The following OR6C2 variants were observed in gnomAD, a reference collection of about 807,000 sequenced individuals.
The protein encoded by OR6C2 is olfactory receptor family 6 subfamily C member 2.
For missense variants in OR6C2, 435 were observed against 365.8 expected (o/e 1.19, Z -1.54); for synonymous variants, 146 against 134.2 (o/e 1.09, Z -0.61).
intron 1 of OR6C2, among the ~76,000 whole-genome samples, chr12:55,449,133 A>T (rs1227634074): frequency 6.6e-6 from 1 of 151,980 alleles, no homozygotes; most frequent in East Asian, 1.9e-4. Context: ...AACAGACTTT[A>T]GGATATAAAT....
intron 1 of OR6C2, among the ~76,000 whole-genome samples, chr12:55,445,388 A>T (rs906871865): frequency 1.3e-5 from 2 of 152,236 alleles, no homozygotes; most frequent in African/African-American, 4.8e-5. Flanking sequence ...GGCCCAGAAG[A>T]CTGATGATAT....
Position 55,453,044 on chromosome 12 carries a change from T to G in OR6C2, c.831T>G (p.Thr277=). 6.2e-7 allele frequency: 1 copy of G among 1,613,494 alleles called. No homozygotes were observed. Among genetic ancestry groups the G allele is most frequent in the East Asian group, 2.2e-5 (1 of 44,858 alleles). ...AINKGVSVLT[T]SVAPLLNPFI... is the part of the protein sequence containing the mutation. Reference sequence around the variant, plus strand: ...ATAAAGGAGTTTCAGTTCTTACTACTTCTGTCGCACCCTTGTTGAACCCCT... The same window carrying G: ...ATAAAGGAGTTTCAGTTCTTACTACGTCTGTCGCACCCTTGTTGAACCCCT... Residue 277 remains threonine (T), a synonymous_variant, in exon 2 of 2, where the codon ACT becomes ACG. Coordinates refer to ENST00000641202, the MANE Select transcript of OR6C2 (RefSeq NM_054105.2).
In OR6C2 at chr12:55,452,624, G is replaced by C; in HGVS notation, c.411G>C (p.Arg137Ser). The change falls in exon 2 of 2, where the codon AGG (arginine) becomes AGC (serine). Residue 137 changes from arginine (R) to serine (S), a missense_variant. Coordinates refer to ENST00000641202, the MANE Select transcript of OR6C2 (RefSeq NM_054105.2). ...ATTATGTGGTCATCATGAACAACAG[G>C]GTGTGTACCTTATTAGTTCTCTGCT... ...PLHYVVIMNN[R>S]VCTLLVLCCW... 1.9e-6 allele frequency: 3 copies of C among 1,613,752 alleles called. No homozygotes were observed. Among genetic ancestry groups the C allele is most frequent in the Non-Finnish European group, 2.5e-6 (3 of 1,179,856 alleles).
Position 55,453,210 on chromosome 12 carries a change from A to T in OR6C2, c.*58A>T. Reference sequence around the variant, plus strand: ...GAAGGCTCCCTAAATGTCATCCTACAGCTTTTAACTTATTTCATTGCTTCC... The same window carrying T: ...GAAGGCTCCCTAAATGTCATCCTACTGCTTTTAACTTATTTCATTGCTTCC... On this transcript the variant is annotated 3_prime_UTR_variant, in exon 2 of 2. Transcript: ENST00000641202. 1 of 1,240,024 alleles carries T rather than the reference A, an allele frequency of 8.1e-7. No homozygotes were observed. The highest frequency in any genetic ancestry group is 1.4e-5 in the South Asian group (1 of 70,800). 76.8% of individuals were successfully genotyped at this position (1,240,024 alleles called of 1,614,324 possible). A position where few individuals can be genotyped will look rare whatever the true frequency, so the allele number is the denominator to read the frequency against.
chr12:55,445,032 G>A (rs766128260), intron 1 of OR6C2, among the ~76,000 whole-genome samples: 1 of 152,154 alleles, frequency 6.6e-6, no homozygotes, highest in Non-Finnish European at 1.5e-5. Flanking sequence ...TGAATAGTGT[G>A]AGAGTTTCGC....
chr12:55,450,587 C>G (rs1871449398), intron 1 of OR6C2, among the ~76,000 whole-genome samples: 1 of 152,036 alleles, frequency 6.6e-6, no homozygotes, highest in Non-Finnish European at 1.5e-5. Flanking sequence ...GTGGAACACC[C>G]AACTTGTGAT....
In OR6C2 at chr12:55,452,038, T is replaced by C; in HGVS notation, c.-176T>C. ...ATATCCACTGCTCATATATGTGAAA[T>C]TTAGAAAGGTTATTGGAACACTGGC... On this transcript the variant is annotated 5_prime_UTR_variant, in exon 2 of 2. Coordinates refer to ENST00000641202, the MANE Select transcript of OR6C2 (RefSeq NM_054105.2). The C allele has an allele frequency of 2.0e-6, 1 of 489,728 alleles. No individual in the cohort carries two copies. Among genetic ancestry groups the C allele is most frequent in the East Asian group, 3.0e-5 (1 of 32,956 alleles). 30.3% of individuals were successfully genotyped at this position (489,728 alleles called of 1,614,324 possible).
intron 1 of OR6C2, among the ~76,000 whole-genome samples, chr12:55,446,619 A>C (rs1056574348): frequency 7.9e-5 from 12 of 152,090 alleles, no homozygotes; most frequent in African/African-American, 2.9e-4. Flanking sequence ...AGAGTGGAGA[A>C]CTCCATGCAA....
intron 1 of OR6C2, among the ~76,000 whole-genome samples, chr12:55,445,392 A>G (rs1432766464): frequency 6.6e-6 from 1 of 152,204 alleles, no homozygotes; most frequent in Non-Finnish European, 1.5e-5. Flanking sequence ...CAGAAGACTG[A>G]TGATATTTGC....
At position 55,452,244 on chromosome 12, in the gene OR6C2, A is replaced by G. The variant is rs758128415; in HGVS notation, c.31A>G (p.Ile11Val). Reference sequence around the variant, plus strand: ...AAACCACACAGTAATAAGAACTTTTATCCTGCTGGGACTGACAGGTGACCC... The same window carrying G: ...AAACCACACAGTAATAAGAACTTTTGTCCTGCTGGGACTGACAGGTGACCC... MKNHTVIRTF[I>V]LLGLTGDPHL... The change falls in exon 2 of 2, where the codon ATC (isoleucine) becomes GTC (valine). Residue 11 changes from isoleucine to valine, a missense_variant. By Grantham distance (29) the Ile-to-Val change is conservative. Transcript: ENST00000641202. 1.3e-6 allele frequency: 2 copies of G among 1,597,374 alleles called. No individual in the cohort carries two copies. Among genetic ancestry groups the G allele is most frequent in the South Asian group, 1.1e-5 (1 of 87,960 alleles).
chr12:55,444,553 T>C lies in OR6C2; in HGVS notation c.-888+394T>C, dbSNP rs75998467. On this transcript the variant is annotated intron_variant, in intron 1 of 1. Coordinates refer to ENST00000641202, the MANE Select transcript of OR6C2 (RefSeq NM_054105.2). ...TGGCCAGAAATAATTCAATCCCTCA[T>C]ATTTATTAGTTCAACAAAAATGCTC... is the stretch of plus-strand genomic sequence containing the variant. Among the ~76,000 whole-genome samples, 621 of 152,288 alleles carry C rather than the reference T, an allele frequency of 4.1e-3. 2 individuals carry two copies. The highest frequency in any genetic ancestry group is 0.014 in the African/African-American group (570 of 41,570).
chr12:55,446,357 C>G (rs945351497), intron 1 of OR6C2, among the ~76,000 whole-genome samples: 1 of 152,116 alleles, frequency 6.6e-6, no homozygotes, highest in Non-Finnish European at 1.5e-5. Flanking sequence ...CCATGTTGGT[C>G]AGGCTGGTCT....
At chr12:55,449,639 G>C (rs1871429961) in intron 1 of OR6C2, among the ~76,000 whole-genome samples, 1 of 151,386 alleles carries the variant, frequency 6.6e-6, no homozygotes. Flanking sequence ...AGGTGGTTTT[G>C]GCCTTTAAAA....
intron 1 of OR6C2, among the ~76,000 whole-genome samples, chr12:55,447,083 A>G (rs146005064): frequency 2.0e-5 from 3 of 152,328 alleles, no homozygotes; most frequent in Admixed American, 6.5e-5. Flanking sequence ...GCTGAATGCT[A>G]TTCTGCAGAA....
At position 55,453,122 on chromosome 12, in the gene OR6C2, A is replaced by G; in HGVS notation, c.909A>G (p.Ile303Met). ...KQVKQAFSDS[I>M]KRIAFLSKK ...TGAAACAAGCTTTCAGTGACTCTAT[A>G]AAGAGGATTGCATTTCTCTCAAAGA... is the stretch of plus-strand genomic sequence containing the variant. The change falls in exon 2 of 2, where the codon ATA (isoleucine) becomes ATG (methionine). Residue 303 changes from isoleucine (I) to methionine (M), a missense_variant. Physicochemically the swap from Ile to Met is conservative, Grantham distance 10. Transcript: ENST00000641202. 1 of 1,612,674 alleles carries G rather than the reference A, an allele frequency of 6.2e-7. No homozygotes were observed. The highest frequency in any genetic ancestry group is 8.5e-7 in the Non-Finnish European group (1 of 1,179,250).
chr12:55,448,857 C>T (rs1309175419), intron 1 of OR6C2, among the ~76,000 whole-genome samples: 1 of 151,608 alleles, frequency 6.6e-6, no homozygotes, highest in African/African-American at 2.4e-5. Context: ...TTATTCCAGG[C>T]TATGGAAATG....
chr12:55,447,672 C>A (rs1437294154), intron 1 of OR6C2, among the ~76,000 whole-genome samples: 1 of 152,010 alleles, frequency 6.6e-6, no homozygotes. Context: ...TGATTTTCTT[C>A]TTTTTAAAGC....
At chr12:55,449,776 A>G (rs1315856429) in intron 1 of OR6C2, among the ~76,000 whole-genome samples, 1 of 151,956 alleles carries the variant, frequency 6.6e-6, no homozygotes, top group African/African-American at 2.4e-5. Flanking sequence ...AGAGATTACT[A>G]TAAACAACCA....
Position 55,452,072 on chromosome 12 carries a change from T to C in OR6C2, c.-142T>C. 1.9e-6 allele frequency: 1 copy of C among 538,180 alleles called. No individual in the cohort carries two copies. Among genetic ancestry groups the C allele is most frequent in the Non-Finnish European group, 3.3e-6 (1 of 307,372 alleles). 33.3% of individuals were successfully genotyped at this position (538,180 alleles called of 1,614,324 possible). A position where few individuals can be genotyped will look rare whatever the true frequency, so the allele number is the denominator to read the frequency against. ...GTTATTGGAACACTGGCAACATTGA[T>C]TATTCTATAAAGGGAGAAAATAAAA... On this transcript the variant is annotated 5_prime_UTR_variant, in exon 2 of 2. Transcript: ENST00000641202.
Sources: gnomAD v4.1 joint callset for allele counts (sites outside exome capture counted in the v4.1 genomes callset) on GRCh38, gnomAD v4.1.1 for gene constraint, MANE v1.5 for transcripts, NCBI Gene and HGNC (gene_info 2026-07-23, HGNC 2026-07-21) for gene names.